The following FBXO25 variants were observed in gnomAD, a reference collection of about 807,000 sequenced individuals.
FBXO25 encodes F-box only protein 25.
FBXO25 carries 45 observed loss-of-function variants against 51.9 expected under a neutral mutation model. That is an observed-to-expected ratio of 0.87 (90% CI 0.68 to 1.11). The LOEUF is 1.11. Ranked by LOEUF, FBXO25 falls within the 50% of genes most tolerant of loss-of-function variation. The pLI, the probability that FBXO25 is intolerant of heterozygous loss-of-function variation, is 0.00. For missense variants in FBXO25, 507 were observed against 428.5 expected (o/e 1.18, Z -1.62); for synonymous variants, 199 against 151.0 (o/e 1.32, Z -2.33).
At position 468,882 on chromosome 8, in the gene FBXO25, T is replaced by C; in HGVS notation, c.*78T>C. On this transcript the variant is annotated 3_prime_UTR_variant, in exon 10 of 10. Coordinates refer to ENST00000350302, the MANE Select transcript of FBXO25 (RefSeq NM_183420.2). ...GGCTCATAGTGAGTGTTCTGTGAGGTGGGTGGAGACTCCTCGGAAGCCCCT... is the reference window on the plus strand; with the variant it reads ...GGCTCATAGTGAGTGTTCTGTGAGGCGGGTGGAGACTCCTCGGAAGCCCCT... 2 of 1,400,082 alleles carry C rather than the reference T, an allele frequency of 1.4e-6. No homozygotes were observed. Among genetic ancestry groups the C allele is most frequent in the Non-Finnish European group, 2.0e-6 (2 of 1,017,704 alleles). 86.7% of individuals were successfully genotyped at this position (1,400,082 alleles called of 1,614,324 possible).
intron 2 of FBXO25, among the ~76,000 whole-genome samples, chr8:420,192 C>G (rs566963251): frequency 5.9e-5 from 9 of 152,200 alleles, no homozygotes; most frequent in Admixed American, 2.0e-4. Flanking sequence ...CACAGTGGGC[C>G]TAGGTGATTT....
rs59258529 is a variant in FBXO25, at chr8:467,998, C to T, written c.988-717C>T. 11,680 of 1,343,058 alleles carry T rather than the reference C, an allele frequency of 8.7e-3. 746 individuals carry two copies. In the African/African-American group the frequency reaches 0.15, roughly 17 times the overall value. 83.2% of individuals were successfully genotyped at this position (1,343,058 alleles called of 1,614,324 possible). On this transcript the variant is annotated intron_variant, in intron 9 of 9. Transcript: ENST00000350302. ...AGGCTGCTAGATGTGCGCATAAACA[C>T]TTCACCACACAGCACCTGGTTTGGC...
At chr8:437,058 G>A (rs1299538474) in intron 5 of FBXO25, among the ~76,000 whole-genome samples, 4 of 152,006 alleles carry the variant, frequency 2.6e-5, no homozygotes, top group Non-Finnish European at 5.9e-5. Context: ...TTGGACGACT[G>A]CATAATTTTT....
At chr8:455,688 C>G (rs13249767) in intron 7 of FBXO25, among the ~76,000 whole-genome samples, 26,153 of 152,180 alleles carry the variant, frequency 0.17, 2,492 homozygotes, top group African/African-American at 0.23. Context: ...ATAGCTGAGA[C>G]TATCCTAAAG....
At chr8:445,468 C>G (rs1251077353) in intron 5 of FBXO25, among the ~76,000 whole-genome samples, 1 of 152,122 alleles carries the variant, frequency 6.6e-6, no homozygotes, top group Non-Finnish European at 1.5e-5. Context: ...CTGAGGACCC[C>G]AAAGAGATTT....
At position 471,514 on chromosome 8, in the gene FBXO25, C is replaced by T. The variant is rs760244344; in HGVS notation, c.*2710C>T. ...CTTCATTACAATGAAGTAGATAATT[C>T]AGGACCCCAGGAGCCTAAAGCCAGG... On this transcript the variant is annotated 3_prime_UTR_variant, in exon 10 of 10. Transcript: ENST00000350302. 12 of 152,168 alleles carry T rather than the reference C, an allele frequency of 7.9e-5. No individual in the cohort carries two copies. Among genetic ancestry groups the T allele is most frequent in the Admixed American group, 2.6e-4 (4 of 15,278 alleles). The allele number at this position is 152,168 out of a possible 1,614,324, so 9.4% of individuals were successfully genotyped here.
At chr8:409,571 A>G (rs955437950) in intron 1 of FBXO25, among the ~76,000 whole-genome samples, 2 of 152,218 alleles carry the variant, frequency 1.3e-5, no homozygotes, top group African/African-American at 4.8e-5. Flanking sequence ...AAAGATTGTG[A>G]AACTAGAAGA....
chr8:448,050 A>G (rs117076086), intron 5 of FBXO25, among the ~76,000 whole-genome samples: 7 of 152,212 alleles, frequency 4.6e-5, no homozygotes, highest in African/African-American at 1.7e-4. Flanking sequence ...TGAGAAAATT[A>G]ATAAGAATGA....
chr8:449,258 T>G (rs1365050225), intron 5 of FBXO25, among the ~76,000 whole-genome samples: 1 of 152,158 alleles, frequency 6.6e-6, no homozygotes, highest in Non-Finnish European at 1.5e-5. Context: ...AGCAGCCCAC[T>G]TTTTCCTGCC....
At position 475,997 on chromosome 8, in the gene FBXO25, T is replaced by A. The variant is rs1016945390; in HGVS notation, c.*7193T>A. ...AAAGTCCTTTCAGTCTTATTGAATATGATGTTTACAGTGGGATGTTCATAT... is the reference window on the plus strand; with the variant it reads ...AAAGTCCTTTCAGTCTTATTGAATAAGATGTTTACAGTGGGATGTTCATAT... On this transcript the variant is annotated 3_prime_UTR_variant, in exon 10 of 10. Coordinates refer to ENST00000350302, the MANE Select transcript of FBXO25 (RefSeq NM_183420.2). 2 of 152,078 alleles carry A rather than the reference T, an allele frequency of 1.3e-5. No homozygotes were observed. The highest frequency in any genetic ancestry group is 4.8e-5 in the African/African-American group (2 of 41,346). The allele number at this position is 152,078 out of a possible 1,614,324, so 9.4% of individuals were successfully genotyped here.
At position 476,810 on chromosome 8, in the gene FBXO25, TTTATTA is replaced by T. The variant is rs768641581; in HGVS notation, c.*8014_*8019del. 2 of 143,092 alleles carry T rather than the reference TTTATTA, an allele frequency of 1.4e-5. No homozygotes were observed. Among genetic ancestry groups the T allele is most frequent in the Non-Finnish European group, 3.0e-5 (2 of 66,766 alleles). 8.9% of individuals were successfully genotyped at this position (143,092 alleles called of 1,614,324 possible). A position where few individuals can be genotyped will look rare whatever the true frequency, so the allele number is the denominator to read the frequency against. On this transcript the variant is annotated 3_prime_UTR_variant, in exon 10 of 10. Transcript: ENST00000350302. ...TCTCTATTTTGTCTCTGCTCTAATC[TTTATTA>T]TTATTATAATCATCTCCATTCTGCT... is the stretch of plus-strand genomic sequence containing the variant.
In FBXO25 at chr8:473,146, C is replaced by G. The variant is rs1800536177; in HGVS notation, c.*4342C>G. 6.6e-6 allele frequency: 1 copy of G among 152,378 alleles called. No homozygotes were observed. Among genetic ancestry groups the G allele is most frequent in the African/African-American group, 2.4e-5 (1 of 41,466 alleles). 9.4% of individuals were successfully genotyped at this position (152,378 alleles called of 1,614,324 possible). A position where few individuals can be genotyped will look rare whatever the true frequency, so the allele number is the denominator to read the frequency against. On this transcript the variant is annotated 3_prime_UTR_variant, in exon 10 of 10. Coordinates refer to ENST00000350302, the MANE Select transcript of FBXO25 (RefSeq NM_183420.2). Reference sequence around the variant, plus strand: ...CTTCACTCAAGCCCCACTCCTTATCCCTTCCTGTTGTTTCTGCATAGAGGA... The same window carrying G: ...CTTCACTCAAGCCCCACTCCTTATCGCTTCCTGTTGTTTCTGCATAGAGGA...
chr8:458,002 T>C (rs1208055883), intron 7 of FBXO25, among the ~76,000 whole-genome samples: 1 of 152,300 alleles, frequency 6.6e-6, no homozygotes, highest in Admixed American at 6.5e-5. Flanking sequence ...TCATGGTGCA[T>C]TGGATTCATC....
chr8:458,634 G>T, intron 8 of FBXO25, 83 bp downstream of exon 8: 1 of 1,298,240 alleles, frequency 7.7e-7, no homozygotes, highest in South Asian at 1.5e-5. Context: ...CTCACCTGGA[G>T]AGAAAGAATG....
rs1937151970 is a variant in FBXO25, at chr8:471,755, C to T, written c.*2951C>T. 6.6e-6 allele frequency: 1 copy of T among 152,222 alleles called. No individual in the cohort carries two copies. The highest frequency in any genetic ancestry group is 1.5e-5 in the Non-Finnish European group (1 of 68,052). 9.4% of individuals were successfully genotyped at this position (152,222 alleles called of 1,614,324 possible). A position where few individuals can be genotyped will look rare whatever the true frequency, so the allele number is the denominator to read the frequency against. Reference sequence around the variant, plus strand: ...AATACACACAAATTGGAAAGCCATGCAGTAGCCTCTCAGGAGCAGACCGAT... The same window carrying T: ...AATACACACAAATTGGAAAGCCATGTAGTAGCCTCTCAGGAGCAGACCGAT... On this transcript the variant is annotated 3_prime_UTR_variant, in exon 10 of 10. Transcript: ENST00000350302.
rs60173743 is a variant in FBXO25, at chr8:444,935, T to A, written c.382-5055T>A. Among the ~76,000 whole-genome samples the A allele has an allele frequency of 8.2e-3, 1,251 of 152,296 alleles. 17 individuals carry two copies. The highest frequency in any genetic ancestry group is 0.029 in the African/African-American group (1,204 of 41,548). ...AATGCGTTTCTCGGATCAGATTGTATCCCCCTTGTTAAGCGACCCATGACT... is the reference window on the plus strand; with the variant it reads ...AATGCGTTTCTCGGATCAGATTGTAACCCCCTTGTTAAGCGACCCATGACT... On this transcript the variant is annotated intron_variant, in intron 5 of 9. Coordinates refer to ENST00000350302, the MANE Select transcript of FBXO25 (RefSeq NM_183420.2).
intron 5 of FBXO25, among the ~76,000 whole-genome samples, chr8:442,662 G>T (rs1798501145): frequency 6.6e-6 from 1 of 152,008 alleles, no homozygotes; most frequent in Non-Finnish European, 1.5e-5. Flanking sequence ...TAGAGAGGGG[G>T]TTTTGCCGTA....
At chr8:415,811 A>C (rs1248750621) in intron 2 of FBXO25, among the ~76,000 whole-genome samples, 2 of 152,176 alleles carry the variant, frequency 1.3e-5, no homozygotes, top group Non-Finnish European at 2.9e-5. Flanking sequence ...GATTCCTATA[A>C]AGGAAAGATA....
intron 9 of FBXO25, chr8:467,807 T>C (rs1295651171): frequency 5.0e-6 from 8 of 1,603,438 alleles, no homozygotes; most frequent in Non-Finnish European, 6.8e-6. Flanking sequence ...TCGTGCTGCA[T>C]CTCATGCACG....
Sources: allele counts gnomAD v4.1 joint callset (sites outside exome capture counted in the v4.1 genomes callset), GRCh38; gene constraint gnomAD v4.1.1; transcripts MANE v1.5; gene names NCBI Gene and HGNC (gene_info 2026-07-23, HGNC 2026-07-21).